The following ARHGEF1 variants were observed in gnomAD, a reference collection of about 807,000 sequenced individuals.
ARHGEF1 encodes the protein 115 kDa guanine nucleotide exchange factor.
ARHGEF1 carries 40 observed loss-of-function variants against 119.7 expected under a neutral mutation model. The observed-to-expected ratio is 0.33, with a 90% CI of 0.26 to 0.44. The LOEUF (loss-of-function observed/expected upper bound fraction) is 0.44. ARHGEF1 is among the 20% of genes least tolerant of loss of function. The pLI, the probability that ARHGEF1 is intolerant of heterozygous loss-of-function variation, is 1.00. For missense variants in ARHGEF1, 976 were observed against 1,268.3 expected, an observed-to-expected ratio of 0.77 and a Z score of 3.50; for synonymous variants, 494 against 521.0, an observed-to-expected ratio of 0.95 and a Z score of 0.71.
At position 41,892,246 on chromosome 19, in the gene ARHGEF1, T is replaced by C; in HGVS notation, c.325-85T>C. On this transcript the variant is annotated intron_variant, in intron 5 of 28. Transcript: ENST00000354532. The surrounding 1 kb of genome is among the most constrained non-coding windows in gnomAD (Gnocchi z 6.3). ...CCCAGGCCTTCCCCAGCACCCTCGC[T>C]TAGACCAGGGTTCCTGGCAGTCCTC... The C allele has an allele frequency of 6.3e-7, 1 of 1,587,930 alleles. No homozygotes were observed. The highest frequency in any genetic ancestry group is 8.6e-7 in the Non-Finnish European group (1 of 1,159,408).
At chr19:41,919,777 C>A (rs1192597330), upstream of ARHGEF1, among the ~76,000 whole-genome samples, 1 of 132,936 alleles carries the variant, frequency 7.5e-6, no homozygotes, top group Non-Finnish European at 1.5e-5. Context: ...GCCTCCTCAT[C>A]TTGCCCTCAG....
chr19:41,921,951 T>C (rs1197961501), upstream of ARHGEF1, among the ~76,000 whole-genome samples: 9 of 139,954 alleles, frequency 6.4e-5, no homozygotes, highest in African/African-American at 2.4e-4. The surrounding 1 kb of genome is among the most constrained non-coding windows in gnomAD (Gnocchi z 4.4). Flanking sequence ...CTCCTCCTGG[T>C]CCTCATCCCC....
chr19:41,925,180 CTGTT>C (rs2074864177), intron 1 of ARHGEF1, among the ~76,000 whole-genome samples: 1 of 152,082 alleles, frequency 6.6e-6, no homozygotes, highest in African/African-American at 2.4e-5. Context: ...GCCTCGGTAT[CTGTT>C]TGCTGATTAA....
chr19:41,904,201 C>G lies in ARHGEF1; in HGVS notation c.1994-15C>G. 6.2e-7 allele frequency: 1 copy of G among 1,613,400 alleles called. No homozygotes were observed. The highest frequency in any genetic ancestry group is 2.2e-5 in the East Asian group (1 of 44,856). On this transcript the variant is annotated splice_polypyrimidine_tract_variant and intron_variant, in intron 21 of 28. Coordinates refer to ENST00000354532, the MANE Select transcript of ARHGEF1 (RefSeq NM_004706.4). The surrounding 1 kb of genome is among the most constrained non-coding windows in gnomAD (Gnocchi z 8.4). ...CGCGCGGGGGCACGCCGTGTGAGCA[C>G]TGCTCGCCCCGTAGAGGTGCATGTG...
intron 18 of ARHGEF1, among the ~76,000 whole-genome samples, chr19:41,912,637 C>T (rs1555851361): frequency 1.3e-5 from 2 of 152,238 alleles, no homozygotes; most frequent in African/African-American, 4.8e-5. Flanking sequence ...GAAGACCCAC[C>T]TATCCCCCCA....
Position 41,892,683 on chromosome 19 carries a change from G to T in ARHGEF1, c.448G>T (p.Val150Leu), listed in dbSNP as rs782432654. 2 of 1,613,686 alleles carry T rather than the reference G, an allele frequency of 1.2e-6. No individual in the cohort carries two copies. Among genetic ancestry groups the T allele is most frequent in the East Asian group, 4.5e-5 (2 of 44,876 alleles). Reference protein sequence around the residue: ...QEVVQSQQVAVGRQLEDFRSK... With the variant: ...QEVVQSQQVALGRQLEDFRSK... The stretch of plus-strand genomic sequence containing the variant: ...GGTGGTGCAAAGCCAGCAGGTAGCC[G>T]TGGGCCGGCAGCTGGAGGACTTCCG... The change falls in exon 7 of 29, where the codon GTG becomes TTG. Residue 150 changes from valine (V) to leucine (L), a missense_variant. Physicochemically the swap from Val to Leu is conservative, Grantham distance 32. Around this residue, in one of 3 missense-constraint regions of ARHGEF1, gnomAD observed 519 missense variants for 580.9 expected, o/e 0.89. Coordinates refer to ENST00000354532, the MANE Select transcript of ARHGEF1 (RefSeq NM_004706.4). The surrounding 1 kb of genome is among the most constrained non-coding windows in gnomAD (Gnocchi z 6.3).
At chr19:41,890,035 A>G (rs2074351281) in intron 4 of ARHGEF1, 1 of 152,092 alleles carries the variant, frequency 6.6e-6, no homozygotes, top group African/African-American at 2.4e-5. Flanking sequence ...GGGCATTTTG[A>G]GGTTTATTCT....
In ARHGEF1 at chr19:41,905,367, G is replaced by A. The variant is rs2074673105; in HGVS notation, c.2336+106G>A. On this transcript the variant is annotated intron_variant, in intron 24 of 28. Coordinates refer to ENST00000354532, the MANE Select transcript of ARHGEF1 (RefSeq NM_004706.4). The surrounding 1 kb of genome is among the most constrained non-coding windows in gnomAD (Gnocchi z 6.4). Reference sequence around the variant, plus strand: ...ACCGTCTCTGTGTGAGCATGCACATGTGTGAATGCATGTGTGTGCATACAT... The same window carrying A: ...ACCGTCTCTGTGTGAGCATGCACATATGTGAATGCATGTGTGTGCATACAT... 1 of 982,218 alleles carries A rather than the reference G, an allele frequency of 1.0e-6. No individual in the cohort carries two copies. Among genetic ancestry groups the A allele is most frequent in the Non-Finnish European group, 1.5e-6 (1 of 658,556 alleles). The allele number at this position is 982,218 out of a possible 1,614,324, so 60.8% of individuals were successfully genotyped here.
At chr19:41,894,600 C>T (rs1285185645) in intron 10 of ARHGEF1, 26 bp from the exon 11 acceptor site, 8 of 1,613,958 alleles carry the variant, frequency 5.0e-6, no homozygotes, top group Non-Finnish European at 6.8e-6. Context: ...TGCTCCCACT[C>T]ACTGTCTCAT....
upstream of ARHGEF1, among the ~76,000 whole-genome samples, chr19:41,921,528 T>G (rs907082697): frequency 2.0e-5 from 3 of 150,380 alleles, no homozygotes; most frequent in Non-Finnish European, 3.0e-5. The surrounding 1 kb of genome is among the most constrained non-coding windows in gnomAD (Gnocchi z 4.4). Context: ...CAGGGGGAGA[T>G]CCGAGGTGGG....
chr19:41,895,210 G>A (rs938594928), intron 11 of ARHGEF1, 139 bp from the exon 12 acceptor site: 38 of 1,153,318 alleles, frequency 3.3e-5, no homozygotes, highest in Admixed American at 4.7e-5. Flanking sequence ...AGGGGTTGAG[G>A]GCTCCTGGGT....
At chr19:41,920,989 C>G (rs2074838597), upstream of ARHGEF1, among the ~76,000 whole-genome samples, 1 of 152,194 alleles carries the variant, frequency 6.6e-6, no homozygotes, top group Non-Finnish European at 1.5e-5. Context: ...CCCTGAGTCT[C>G]AGTCTCCGCA....
At chr19:41,929,460 C>T (rs2074892188) in intron 2 of ARHGEF1, among the ~76,000 whole-genome samples, 1 of 152,350 alleles carries the variant, frequency 6.6e-6, no homozygotes, top group South Asian at 2.1e-4. Context: ...TATCGACCAG[C>T]CTCAGGGCGG....
intron 1 of ARHGEF1, 113 bp from the exon 2 acceptor site, chr19:41,887,951 T>C (rs2074319513): frequency 8.2e-7 from 1 of 1,216,732 alleles, no homozygotes. Flanking sequence ...CTGCGGAGGC[T>C]GGGATGGGGG....
At chr19:41,909,864 G>A, downstream of ARHGEF1, 2 of 1,607,656 alleles carry the variant, frequency 1.2e-6, no homozygotes, top group South Asian at 1.1e-5. This position sits in a 1 kb window ranked among gnomAD's most constrained non-coding sequence, Gnocchi z 5.2. Flanking sequence ...CTTCCTCACC[G>A]CAGGGCCCGG....
At chr19:41,912,821 G>A (rs2074761509) in intron 18 of ARHGEF1, 2 of 891,414 alleles carry the variant, frequency 2.2e-6, no homozygotes, top group Admixed American at 4.3e-5. Flanking sequence ...TGAGGGGTGG[G>A]GGAAGGGGTG....
intron 1 of ARHGEF1, among the ~76,000 whole-genome samples, chr19:41,885,964 C>T (rs1304406909): frequency 1.3e-5 from 2 of 151,536 alleles, no homozygotes; most frequent in African/African-American, 4.9e-5. Context: ...AGGCTGGTCT[C>T]GAACTCCTGA....
chr19:41,891,988 T>TGAGGGAGCGGA (rs1266369320), intron 4 of ARHGEF1, 37 bp from the exon 5 acceptor site: 13 of 1,537,450 alleles, frequency 8.5e-6, no homozygotes, highest in Non-Finnish European at 1.1e-5. Context: ...TGAGGCAGGG[T>TGAGGGAGCGGA]GAGGGAGCGG....
rs1599663510 is a variant in ARHGEF1, at chr19:41,904,842, G to A, written c.2162-107G>A. 1 of 895,070 alleles carries A rather than the reference G, an allele frequency of 1.1e-6. No individual in the cohort carries two copies. 55.4% of individuals were successfully genotyped at this position (895,070 alleles called of 1,614,324 possible). A position where few individuals can be genotyped will look rare whatever the true frequency, so the allele number is the denominator to read the frequency against. ...GTGAGTGGTGAGTTGAGCCATGGGAGCCCTGAGAGCGCCACCACTGTGGGT... is the reference window on the plus strand; with the variant it reads ...GTGAGTGGTGAGTTGAGCCATGGGAACCCTGAGAGCGCCACCACTGTGGGT... On this transcript the variant is annotated intron_variant, in intron 22 of 28. Coordinates refer to ENST00000354532, the MANE Select transcript of ARHGEF1 (RefSeq NM_004706.4). The surrounding 1 kb of genome is among the most constrained non-coding windows in gnomAD (Gnocchi z 8.4).
Sources: allele counts gnomAD v4.1 joint callset (sites outside exome capture counted in the v4.1 genomes callset), GRCh38; gene constraint gnomAD v4.1.1; regional missense constraint gnomAD v4.1.1; non-coding constraint Gnocchi (gnomAD v3.1); transcripts MANE v1.5; gene names NCBI Gene and HGNC (gene_info 2026-07-23, HGNC 2026-07-21).